Variants in SMCO2 observed in about 807,000 individuals in gnomAD.
SMCO2 encodes single-pass membrane protein with coiled-coil domains 2, also known as single-pass membrane and coiled-coil domain-containing protein 2.
A neutral mutation model predicts 29.5 loss-of-function variants in SMCO2; 25 were observed. The observed-to-expected ratio is 0.85, with a 90% CI of 0.62 to 1.18. The LOEUF is 1.18. Among genes scored for constraint, SMCO2 ranks in the 50% most tolerant of loss-of-function variants. SMCO2 has a pLI of 0.00. For missense variants in SMCO2, 348 were observed against 344.5 expected (o/e 1.01, Z -0.08); for synonymous variants, 117 against 123.3 (o/e 0.95, Z 0.34).
At chr12:27,490,099 A>G (rs1256315081) in intron 5 of SMCO2, among the ~76,000 whole-genome samples, 1 of 152,254 alleles carries the variant, frequency 6.6e-6, no homozygotes, top group Non-Finnish European at 1.5e-5. Context: ...CTTAAAAACT[A>G]GAAACAATTC....
exon 7 of SMCO2, chr12:27,495,824 G>A: frequency 6.5e-7 from 1 of 1,529,042 alleles, no homozygotes; most frequent in South Asian, 1.2e-5. Context: ...ATCCTTTTTA[G>A]TGCAGAAGTC....
At chr12:27,463,416 C>G (rs1949473421), upstream of SMCO2, among the ~76,000 whole-genome samples, 1 of 152,108 alleles carries the variant, frequency 6.6e-6, no homozygotes, top group Non-Finnish European at 1.5e-5. Context: ...AGGTGCCCAC[C>G]ACCACGTCCG....
upstream of SMCO2, among the ~76,000 whole-genome samples, chr12:27,462,473 G>A (rs73300780): frequency 5.3e-5 from 8 of 152,100 alleles, no homozygotes; most frequent in South Asian, 4.1e-4. Context: ...CAAAATCTTC[G>A]CCGCCTGAGG....
chr12:27,470,604 T>C lies in SMCO2; in HGVS notation c.-10-18T>C, dbSNP rs1009226655. The C allele has an allele frequency of 3.2e-6, 5 of 1,546,894 alleles. No homozygotes were observed. Among genetic ancestry groups the C allele is most frequent in the Middle Eastern group, 1.7e-4 (1 of 5,980 alleles). On this transcript the variant is annotated intron_variant, in intron 1 of 7. Transcript: ENST00000298876. Reference sequence around the variant, plus strand: ...TTCTGCCATAAAATCCCTCTTGTTGTCATTATTGTCCTTACAGTGCCGAAG... The same window carrying C: ...TTCTGCCATAAAATCCCTCTTGTTGCCATTATTGTCCTTACAGTGCCGAAG...
rs555346551 is a variant in SMCO2 at position 27,475,612 on chromosome 12, C to T, written c.362+699C>T. 3.7e-5 allele frequency: 57 copies of T among 1,549,554 alleles called. No individual in the cohort carries two copies. The South Asian group carries it at 6.8e-4, about 19-fold the overall frequency. On this transcript the variant is annotated intron_variant, in intron 4 of 7. Transcript: ENST00000298876. ...TGAAGGGCATGTTCCTCAAGCTAAA[C>T]TACTGGAACACAAAGATAGGTCTCC...
chr12:27,474,826 G>A, exon 4 of SMCO2: 1 of 1,551,706 alleles, frequency 6.4e-7, no homozygotes, highest in Non-Finnish European at 8.7e-7. Flanking sequence ...CAGGACCTGA[G>A]TAAACAGGAT....
At chr12:27,483,443 A>C (rs1424925293) in intron 4 of SMCO2, among the ~76,000 whole-genome samples, 1 of 151,850 alleles carries the variant, frequency 6.6e-6, no homozygotes, top group Non-Finnish European at 1.5e-5. Flanking sequence ...TTTTCGAGAC[A>C]GTCTTGCTCT....
the SMCO2 span, among the ~76,000 whole-genome samples, chr12:27,448,219 A>G: frequency 1.3e-5 from 2 of 152,138 alleles, no homozygotes; most frequent in Non-Finnish European, 2.9e-5. Context: ...AGAAGTTGTT[A>G]CTCATTGTTA....
intron 1 of SMCO2, among the ~76,000 whole-genome samples, chr12:27,467,407 A>G (rs537123622): frequency 6.6e-6 from 1 of 151,670 alleles, no homozygotes; most frequent in East Asian, 1.9e-4. Flanking sequence ...CCCAACTTTC[A>G]TATGTGTATG....
chr12:27,429,783 G>T, the SMCO2 span, among the ~76,000 whole-genome samples: 1 of 152,150 alleles, frequency 6.6e-6, no homozygotes, highest in African/African-American at 2.4e-5. Context: ...GAATTTCTTG[G>T]AGTGCAATTG....
chr12:27,434,239 C>T, the SMCO2 span, among the ~76,000 whole-genome samples: 1 of 152,298 alleles, frequency 6.6e-6, no homozygotes, highest in East Asian at 1.9e-4. Context: ...ATGCAAATTC[C>T]TGCGCCCCAC....
At chr12:27,430,662 G>A in the SMCO2 span, among the ~76,000 whole-genome samples, 5 of 152,116 alleles carry the variant, frequency 3.3e-5, no homozygotes, top group Admixed American at 1.3e-4. Flanking sequence ...AAATTTTGAG[G>A]GAATAAGAAT....
At chr12:27,436,841 A>G in the SMCO2 span, among the ~76,000 whole-genome samples, 2 of 152,218 alleles carry the variant, frequency 1.3e-5, no homozygotes, top group Admixed American at 6.5e-5. Flanking sequence ...AAGGCTACAT[A>G]TATTTATGAA....
chr12:27,428,069 G>A, the SMCO2 span, among the ~76,000 whole-genome samples: 1 of 151,932 alleles, frequency 6.6e-6, no homozygotes, highest in African/African-American at 2.4e-5. Context: ...ACACCAGTTG[G>A]TTCATCAGAA....
chr12:27,485,596 C>T (rs1417490139), intron 4 of SMCO2, among the ~76,000 whole-genome samples: 1 of 151,786 alleles, frequency 6.6e-6, no homozygotes, highest in Non-Finnish European at 1.5e-5. Flanking sequence ...GCACGTGCCA[C>T]CCATACCTGA....
chr12:27,441,722 T>C, the SMCO2 span, among the ~76,000 whole-genome samples: 100,252 of 152,006 alleles, frequency 0.66, 33,340 homozygotes, highest in Middle Eastern at 0.79. Flanking sequence ...CTATATCTAA[T>C]AGGCCTAACT....
the SMCO2 span, among the ~76,000 whole-genome samples, chr12:27,459,077 C>T: frequency 1.3e-4 from 19 of 150,632 alleles, no homozygotes; most frequent in Non-Finnish European, 2.9e-5. Flanking sequence ...GTCCCAGCTA[C>T]TCGGGAGGCT....
chr12:27,500,537 T>A lies in SMCO2; in HGVS notation c.684-1386T>A, dbSNP rs1029608074. ...TGTTTTACTTTCCAAAAACTTAATG[T>A]TAAAATGTGTTTCTTTGAAAATGTC... On this transcript the variant is annotated intron_variant, in intron 7 of 7. Transcript: ENST00000298876. Among the ~76,000 whole-genome samples the A allele has an allele frequency of 6.0e-5, 9 of 151,006 alleles. 1 individual carries two copies. Among genetic ancestry groups the A allele is most frequent in the African/African-American group, 2.2e-4 (9 of 40,546 alleles).
intron 5 of SMCO2, among the ~76,000 whole-genome samples, chr12:27,493,192 G>A (rs1273095253): frequency 6.6e-6 from 1 of 152,128 alleles, no homozygotes; most frequent in African/African-American, 2.4e-5. Context: ...GTGGAGGGTG[G>A]GAGGAAAGAG....
Sources: allele counts gnomAD v4.1 joint callset (sites outside exome capture counted in the v4.1 genomes callset), GRCh38; gene constraint gnomAD v4.1.1; transcripts MANE v1.5; gene names NCBI Gene and HGNC (gene_info 2026-07-23, HGNC 2026-07-21).